The following SVIL variants were observed in gnomAD, a reference collection of about 807,000 sequenced individuals.
SVIL encodes the protein supervillin.
SVIL carries 101 observed loss-of-function variants against 240.4 expected under a neutral mutation model. That is an observed-to-expected ratio of 0.42 (90% CI 0.36 to 0.50). The LOEUF is 0.50. Ranked by LOEUF, SVIL falls within the 20% of genes least tolerant of loss-of-function variation. The pLI, the probability that SVIL is intolerant of heterozygous loss-of-function variation, is 0.01. For missense variants in SVIL, 2,512 were observed against 2,818.7 expected, an observed-to-expected ratio of 0.89 and a Z score of 2.46; for synonymous variants, 999 against 1,100.0, an observed-to-expected ratio of 0.91 and a Z score of 1.82.
At chr10:29,533,549 G>C in intron 7 of SVIL, 91 bp from the exon 8 acceptor site, 1 of 1,477,398 alleles carries the variant, frequency 6.8e-7, no homozygotes, top group South Asian at 1.4e-5. Context: ...CCAGTGAATG[G>C]AAACTGACCT....
intron 2 of SVIL, among the ~76,000 whole-genome samples, chr10:29,676,393 T>TGTGTGTGC: frequency 6.6e-6 from 1 of 152,184 alleles, no homozygotes; most frequent in African/African-American, 2.4e-5. Context: ...TGTGTGTGTG[T>TGTGTGTGC]GCGCACACGC....
intron 1 of SVIL, among the ~76,000 whole-genome samples, chr10:29,729,099 G>C (rs901706497): frequency 1.3e-5 from 2 of 152,146 alleles, no homozygotes; most frequent in Non-Finnish European, 2.9e-5. Context: ...GAGAAGTCCT[G>C]AGCAAAGGAG....
intron 1 of SVIL, among the ~76,000 whole-genome samples, chr10:29,607,775 G>A (rs1957078982): frequency 6.6e-6 from 1 of 152,180 alleles, no homozygotes; most frequent in Non-Finnish European, 1.5e-5. Flanking sequence ...GTCAGAGATG[G>A]AGCAGGTCAA....
chr10:29,588,898 C>T (rs534559475), intron 1 of SVIL, among the ~76,000 whole-genome samples: 5 of 152,276 alleles, frequency 3.3e-5, no homozygotes, highest in Admixed American at 6.5e-5. Context: ...ACTTGCCTCA[C>T]TTCCTACCTC....
chr10:29,507,622 C>CACACACACA (rs575906150), intron 17 of SVIL: 90 of 287,052 alleles, frequency 3.1e-4, no homozygotes, highest in Middle Eastern at 1.8e-3. Flanking sequence ...CACACACACA[C>CACACACACA]CTCTCTTTCA....
At chr10:29,580,991 T>G (rs1344628161) in intron 1 of SVIL, among the ~76,000 whole-genome samples, 3 of 152,220 alleles carry the variant, frequency 2.0e-5, no homozygotes, top group African/African-American at 7.2e-5. Context: ...TGTGATATTA[T>G]GACTAGCAGT....
At chr10:29,559,785 G>C (rs1260009022) in intron 3 of SVIL, among the ~76,000 whole-genome samples, 2 of 152,180 alleles carry the variant, frequency 1.3e-5, no homozygotes, top group African/African-American at 4.8e-5. Flanking sequence ...TCTGATGGGA[G>C]CTGGAGGTTA....
In SVIL at chr10:29,486,452, T is replaced by C; in HGVS notation, c.4591A>G (p.Lys1531Glu). ...EGINTHTHAA[K>E]DFWKLLGGQT... is the part of the protein sequence containing the mutation. ...CCACCCAGAAGCTTCCAGAAGTCTT[T>C]GGCTGCATGAGTGTGTGTATTAATT... Residue 1531 changes from lysine (K) to glutamate (E), a missense_variant, in exon 25 of 38, where the codon AAA (lysine) becomes GAA (glutamate). Lys to Glu is a moderately conservative substitution (Grantham distance 56, BLOSUM62 1). Coordinates refer to ENST00000355867, the MANE Select transcript of SVIL (RefSeq NM_021738.3). 2.5e-6 allele frequency: 4 copies of C among 1,614,240 alleles called. No individual in the cohort carries two copies. The highest frequency in any genetic ancestry group is 3.4e-6 in the Non-Finnish European group (4 of 1,180,038).
At chr10:29,715,822 G>T (rs1963578905) in intron 1 of SVIL, among the ~76,000 whole-genome samples, 1 of 152,212 alleles carries the variant, frequency 6.6e-6, no homozygotes, top group South Asian at 2.1e-4. Context: ...TTGATACAAG[G>T]TTCCTAGGTT....
intron 3 of SVIL, among the ~76,000 whole-genome samples, chr10:29,641,094 G>A (rs1433064308): frequency 6.6e-6 from 1 of 151,986 alleles, no homozygotes; most frequent in Non-Finnish European, 1.5e-5. Context: ...TGGCCCATAT[G>A]GCAAACTTAT....
At chr10:29,606,863 T>C (rs1957045808) in intron 1 of SVIL, among the ~76,000 whole-genome samples, 1 of 152,222 alleles carries the variant, frequency 6.6e-6, no homozygotes, top group Non-Finnish European at 1.5e-5. Flanking sequence ...CAAGCAGTTC[T>C]CCTGCCTCAG....
At position 29,533,312 on chromosome 10, in the gene SVIL, A is replaced by T; in HGVS notation, c.1055T>A (p.Val352Asp). 6.2e-7 allele frequency: 1 copy of T among 1,613,860 alleles called. No homozygotes were observed. The highest frequency in any genetic ancestry group is 1.3e-5 in the African/African-American group (1 of 74,940). Residue 352 changes from valine to aspartate, a missense_variant, in exon 8 of 38, where the codon GTC becomes GAC. Around this residue, in one of 3 missense-constraint regions of SVIL, gnomAD observed 1,443 missense variants for 1,486.6 expected, o/e 0.97. Transcript: ENST00000355867. Reference protein sequence around the residue: ...FQSEHSAFDRVPSKAAGSTRQ... With the variant: ...FQSEHSAFDRDPSKAAGSTRQ... Reference sequence around the variant, plus strand: ...TGTAGAGCCTGCTGCCTTGCTGGGGACCCTATCAAAGGCTGAGTGCTCAGA... The same window carrying T: ...TGTAGAGCCTGCTGCCTTGCTGGGGTCCCTATCAAAGGCTGAGTGCTCAGA...
At chr10:29,563,846 C>A (rs1954728620) in intron 2 of SVIL, among the ~76,000 whole-genome samples, 1 of 151,888 alleles carries the variant, frequency 6.6e-6, no homozygotes, top group Non-Finnish European at 1.5e-5. Context: ...GAAGTGAGCC[C>A]TTACTGTGGA....
At position 29,501,677 on chromosome 10, in the gene SVIL, C is replaced by T. The variant is rs145430766; in HGVS notation, c.3517-2414G>A. On this transcript the variant is annotated intron_variant, in intron 17 of 37. Coordinates refer to ENST00000355867, the MANE Select transcript of SVIL (RefSeq NM_021738.3). ...TAATTCCAAGTAACTCTCTGAATCA[C>T]GTATCCTTTTTAAATAAACGATGAG... Among the ~76,000 whole-genome samples the T allele has an allele frequency of 2.6e-4, 40 of 152,268 alleles. 1 individual carries two copies. In the East Asian group the frequency reaches 7.3e-3, roughly 28 times the overall value.
chr10:29,629,530 A>G (rs967628240), intron 1 of SVIL, among the ~76,000 whole-genome samples: 6 of 152,184 alleles, frequency 3.9e-5, no homozygotes, highest in African/African-American at 1.4e-4. Flanking sequence ...AGCAGCGGTT[A>G]TGAATACAGG....
intron 18 of SVIL, among the ~76,000 whole-genome samples, chr10:29,497,744 T>A (rs576055256): frequency 5.9e-5 from 9 of 152,302 alleles, no homozygotes; most frequent in African/African-American, 2.2e-4. Flanking sequence ...AAAGGCTGAC[T>A]TAGGGTACAT....
rs1184233730 is a variant in SVIL at position 29,571,006 on chromosome 10, G to GA, written c.-200-1695dup. Reference sequence around the variant, plus strand: ...GAATTTGAAAGCTCCCAAATAGCTGGAAAACCCTGGGCTTCTGAACATGGC... The same window carrying GA: ...GAATTTGAAAGCTCCCAAATAGCTGGAAAAACCCTGGGCTTCTGAACATGGC... On this transcript the variant is annotated intron_variant, in intron 1 of 37. Transcript: ENST00000355867. Among the ~76,000 whole-genome samples the GA allele has an allele frequency of 2.6e-5, 4 of 152,282 alleles. No individual in the cohort carries two copies. In the East Asian group the frequency reaches 7.7e-4, roughly 29 times the overall value.
chr10:29,602,959 C>T lies in SVIL; in HGVS notation c.-201+31461G>A, dbSNP rs1956872816. 2.0e-5 allele frequency among the ~76,000 whole-genome samples: 3 copies of T among 152,244 alleles called. No homozygotes were observed. The South Asian group carries it at 6.2e-4, about 32-fold the overall frequency. ...CATGATCACACCATTGCATTCCAGC[C>T]TGGGCAACAAGAGAGAAACTCCATC... On this transcript the variant is annotated intron_variant, in intron 1 of 37. Coordinates refer to ENST00000355867, the MANE Select transcript of SVIL (RefSeq NM_021738.3).
intron 17 of SVIL, 92 bp from the exon 18 acceptor site, chr10:29,499,355 G>T: frequency 3.9e-6 from 6 of 1,532,270 alleles, no homozygotes; most frequent in Non-Finnish European, 5.4e-6. Flanking sequence ...AAAAAAGCAG[G>T]TTGACAAAGA....
Sources: allele counts gnomAD v4.1 joint callset (sites outside exome capture counted in the v4.1 genomes callset), GRCh38; gene constraint gnomAD v4.1.1; regional missense constraint gnomAD v4.1.1; transcripts MANE v1.5; gene names NCBI Gene and HGNC (gene_info 2026-07-23, HGNC 2026-07-21).